The following CNTN5 variants were observed in gnomAD, a reference collection of about 807,000 sequenced individuals.
The protein encoded by CNTN5 is contactin 5.
A neutral mutation model predicts 129.1 loss-of-function variants in CNTN5; 77 were observed. That is an observed-to-expected ratio of 0.60 (90% CI 0.50 to 0.72). The LOEUF is 0.72. CNTN5 is among the 30% of genes least tolerant of loss of function. The probability of loss-of-function intolerance (pLI) is 0.00; values close to 1 mark genes in which losing one functional copy is unlikely to be tolerated. For missense variants in CNTN5, 1,478 were observed against 1,328.8 expected (o/e 1.11, Z -1.75); for synonymous variants, 509 against 465.6 (o/e 1.09, Z -1.20).
At chr11:99,079,120 A>T (rs1453651844) in intron 1 of CNTN5, among the ~76,000 whole-genome samples, 7 of 152,164 alleles carry the variant, frequency 4.6e-5, no homozygotes, top group African/African-American at 1.4e-4. Context: ...GTATGTCTAT[A>T]AACTTAAAGA....
At position 99,609,175 on chromosome 11, in the gene CNTN5, T is replaced by G. The variant is rs1358058695; in HGVS notation, c.55+52906T>G. 5.9e-5 allele frequency among the ~76,000 whole-genome samples: 9 copies of G among 152,302 alleles called. No individual in the cohort carries two copies. In the South Asian group the frequency reaches 1.0e-3, roughly 18 times the overall value. On this transcript the variant is annotated intron_variant, in intron 3 of 24. Transcript: ENST00000524871. ...AATTCAAATTTGTGTTCTCTTGCCT[T>G]GTGCTTATTTATACTTATGGTTGTT...
intron 3 of CNTN5, among the ~76,000 whole-genome samples, chr11:99,618,382 G>A (rs1950825067): frequency 6.6e-6 from 1 of 152,158 alleles, no homozygotes; most frequent in African/African-American, 2.4e-5. Flanking sequence ...GATTTGATGT[G>A]CCAGTCATTT....
intron 2 of CNTN5, among the ~76,000 whole-genome samples, chr11:99,341,124 G>T (rs1188575630): frequency 6.6e-6 from 1 of 152,088 alleles, no homozygotes; most frequent in African/African-American, 2.4e-5. Context: ...GATGAAACAA[G>T]AATTCAATAC....
intron 2 of CNTN5, among the ~76,000 whole-genome samples, chr11:99,390,681 C>T (rs550158829): frequency 7.1e-4 from 108 of 152,102 alleles, no homozygotes; most frequent in African/African-American, 2.4e-3. Flanking sequence ...CTGTGTTATT[C>T]GTTCTTAAAT....
intron 1 of CNTN5, among the ~76,000 whole-genome samples, chr11:99,307,739 G>A (rs1430861875): frequency 6.6e-6 from 1 of 152,114 alleles, no homozygotes; most frequent in Middle Eastern, 3.2e-3. Context: ...TAAATGGGAG[G>A]CCTGTCAAGT....
intron 2 of CNTN5, among the ~76,000 whole-genome samples, chr11:99,463,138 A>C (rs1227048027): frequency 2.0e-5 from 3 of 149,400 alleles, no homozygotes; most frequent in African/African-American, 7.3e-5. Flanking sequence ...TAAATAAATA[A>C]ATAAATAAAA....
chr11:99,297,472 ATGCTGTAG>A (rs3084741), intron 1 of CNTN5, among the ~76,000 whole-genome samples: 53,184 of 151,618 alleles, frequency 0.35, 9,347 homozygotes, highest in Middle Eastern at 0.4. Flanking sequence ...AGCAGATGAC[ATGCTGTAG>A]TGCCAAACCC....
At chr11:99,100,091 T>G (rs1200282572) in intron 1 of CNTN5, among the ~76,000 whole-genome samples, 3 of 152,104 alleles carry the variant, frequency 2.0e-5, no homozygotes, top group Admixed American at 1.3e-4. Flanking sequence ...GAAAAAAATT[T>G]TATAAAGTAA....
chr11:99,298,327 CAGGAAT>C (rs756102911), intron 1 of CNTN5, among the ~76,000 whole-genome samples: 13 of 152,106 alleles, frequency 8.5e-5, no homozygotes, highest in Non-Finnish European at 1.5e-4. Context: ...AAATGACATA[CAGGAAT>C]AGGAAGTGAG....
intron 1 of CNTN5, among the ~76,000 whole-genome samples, chr11:99,066,244 C>G (rs1565289085): frequency 6.6e-6 from 1 of 152,052 alleles, no homozygotes; most frequent in Non-Finnish European, 1.5e-5. Flanking sequence ...GCTGGGACTA[C>G]AGGTGTGTGG....
intron 6 of CNTN5, among the ~76,000 whole-genome samples, chr11:99,909,995 G>C (rs1307634833): frequency 6.6e-6 from 1 of 152,070 alleles, no homozygotes; most frequent in Non-Finnish European, 1.5e-5. Context: ...ATTATATCAT[G>C]TGGTGTAATA....
chr11:99,150,539 T>A (rs930833133), intron 1 of CNTN5, among the ~76,000 whole-genome samples: 4 of 151,994 alleles, frequency 2.6e-5, no homozygotes, highest in African/African-American at 9.7e-5. Context: ...AAAATTGTGA[T>A]TGAAGAAAAT....
intron 3 of CNTN5, among the ~76,000 whole-genome samples, chr11:99,643,548 ATAT>A (rs1297336904): frequency 6.6e-6 from 1 of 152,186 alleles, no homozygotes; most frequent in Non-Finnish European, 1.5e-5. Context: ...GAATGTACAT[ATAT>A]TATTTAGAAC....
chr11:100,113,901 G>A (rs144978000), intron 13 of CNTN5, among the ~76,000 whole-genome samples: 1 of 152,118 alleles, frequency 6.6e-6, no homozygotes, highest in East Asian at 1.9e-4. Context: ...TTGTTGCCAA[G>A]AGAGTGTAAC....
At chr11:100,131,642 A>AT (rs1304800206) in intron 13 of CNTN5, among the ~76,000 whole-genome samples, 1 of 151,704 alleles carries the variant, frequency 6.6e-6, no homozygotes, top group African/African-American at 2.4e-5. Context: ...AAAAATGGAA[A>AT]TAAAAAAAAG....
intron 3 of CNTN5, among the ~76,000 whole-genome samples, chr11:99,595,099 G>C (rs1950085830): frequency 6.6e-6 from 1 of 152,032 alleles, no homozygotes; most frequent in Non-Finnish European, 1.5e-5. Context: ...GTGGTCAATG[G>C]GTACAAAGTT....
chr11:99,748,556 T>C (rs1004935905), intron 3 of CNTN5, among the ~76,000 whole-genome samples: 2 of 152,150 alleles, frequency 1.3e-5, no homozygotes, highest in Admixed American at 6.5e-5. Context: ...TATAATTAAA[T>C]GAGAGTCCAA....
rs115006966 is a variant in CNTN5 at position 99,721,056 on chromosome 11, G to A, written c.56-98488G>A. On this transcript the variant is annotated intron_variant, in intron 3 of 24. Transcript: ENST00000524871. ...AATAATCAGTATCATTAAAATGGCCGTACTGCCCAAAGCAATTTACAGATT... is the reference window on the plus strand; with the variant it reads ...AATAATCAGTATCATTAAAATGGCCATACTGCCCAAAGCAATTTACAGATT... 1.1e-3 allele frequency among the ~76,000 whole-genome samples: 164 copies of A among 152,078 alleles called. 1 individual carries two copies. The highest frequency in any genetic ancestry group is 3.4e-3 in the African/African-American group (140 of 41,508).
At chr11:99,784,437 T>A (rs1435209488) in intron 3 of CNTN5, among the ~76,000 whole-genome samples, 3 of 152,232 alleles carry the variant, frequency 2.0e-5, no homozygotes, top group South Asian at 4.1e-4. Flanking sequence ...CTGAGAATGA[T>A]GGTTTCCATC....
Sources: allele counts gnomAD v4.1 joint callset (sites outside exome capture counted in the v4.1 genomes callset), GRCh38; gene constraint gnomAD v4.1.1; transcripts MANE v1.5; gene names NCBI Gene and HGNC (gene_info 2026-07-23, HGNC 2026-07-21).